YPEL2: variants seen among roughly 807,000 people sequenced by gnomAD.
YPEL2 encodes the protein yippee like 2.
In YPEL2, 2 loss-of-function variants were observed where a neutral mutation model predicts 19.1. The ratio of observed to expected loss-of-function variants is 0.10; its 90% CI spans 0.04 to 0.33. The LOEUF is 0.33. Among genes scored for constraint, YPEL2 ranks in the 10% least tolerant of loss-of-function variants. YPEL2 has a pLI of 1.00. For synonymous variants in YPEL2, 52 were observed against 50.0 expected, an observed-to-expected ratio of 1.04 and a Z score of -0.17; for missense variants, 66 against 140.7, an observed-to-expected ratio of 0.47 and a Z score of 2.68.
intron 1 of YPEL2, among the ~76,000 whole-genome samples, chr17:59,337,436 G>A (rs1014824972): frequency 3.3e-5 from 5 of 151,910 alleles, no homozygotes; most frequent in African/African-American, 7.3e-5. Context: ...TGATCCGCCC[G>A]CCTCGGCCTC....
chr17:59,395,210 C>T (rs572483236), intron 4 of YPEL2, among the ~76,000 whole-genome samples: 6 of 131,042 alleles, frequency 4.6e-5, no homozygotes, highest in African/African-American at 2.0e-4. Flanking sequence ...TGTGTATACA[C>T]GCATGTGTGC....
intron 3 of YPEL2, chr17:59,389,082 T>C (rs1235913686): frequency 1.3e-5 from 6 of 448,028 alleles, no homozygotes; most frequent in East Asian, 4.0e-5. Flanking sequence ...AGTCACAGAT[T>C]TAAAGTATTT....
chr17:59,334,190 G>A (rs1228913204), intron 1 of YPEL2, among the ~76,000 whole-genome samples: 4 of 152,140 alleles, frequency 2.6e-5, no homozygotes, highest in Admixed American at 1.3e-4. Context: ...CCGATGAGTT[G>A]CGTGAGTTGC....
chr17:59,400,166 A>T lies in YPEL2; in HGVS notation c.*2976A>T, dbSNP rs1322637952. On this transcript the variant is annotated 3_prime_UTR_variant, in exon 5 of 5. Transcript: ENST00000312655. ...CCAAACACAGCCAAACTCGATACCC[A>T]CAAGCTGTCAGCTGAACCTGACTGA... The T allele has an allele frequency of 6.6e-6, 1 of 152,610 alleles. No individual in the cohort carries two copies. Among genetic ancestry groups the T allele is most frequent in the Non-Finnish European group, 1.5e-5 (1 of 68,036 alleles). The allele number at this position is 152,610 out of a possible 1,614,324, so 9.5% of individuals were successfully genotyped here. A position where few individuals can be genotyped will look rare whatever the true frequency, so the allele number is the denominator to read the frequency against.
At chr17:59,390,670 C>G (rs1279198674) in intron 4 of YPEL2, among the ~76,000 whole-genome samples, 1 of 152,174 alleles carries the variant, frequency 6.6e-6, no homozygotes, top group African/African-American at 2.4e-5. Context: ...AGTGAGCAGT[C>G]CTTTGCCAGA....
chr17:59,384,000 A>G (rs183494632), intron 2 of YPEL2, among the ~76,000 whole-genome samples: 1 of 152,298 alleles, frequency 6.6e-6, no homozygotes, highest in African/African-American at 2.4e-5. Flanking sequence ...TTGTATAAAC[A>G]TAGGCTTTCG....
rs930762941 is a variant in YPEL2, at chr17:59,353,346, C to T, written c.-64C>T. On this transcript the variant is annotated 5_prime_UTR_variant, in exon 2 of 5. Coordinates refer to ENST00000312655, the MANE Select transcript of YPEL2 (RefSeq NM_001005404.4). This position sits in a 1 kb window ranked among gnomAD's most constrained non-coding sequence, Gnocchi z 4.8. ...CCTGTGTCTTCCGGTGTTTCCCGTGCGACCCATCCTGTGGGAGTGCCTCGT... is the reference window on the plus strand; with the variant it reads ...CCTGTGTCTTCCGGTGTTTCCCGTGTGACCCATCCTGTGGGAGTGCCTCGT... The T allele has an allele frequency of 1.6e-5, 20 of 1,232,208 alleles. No homozygotes were observed. Among genetic ancestry groups the T allele is most frequent in the East Asian group, 9.4e-5 (4 of 42,700 alleles). 76.3% of individuals were successfully genotyped at this position (1,232,208 alleles called of 1,614,324 possible).
At chr17:59,333,610 GT>G (rs541354702) in intron 1 of YPEL2, among the ~76,000 whole-genome samples, 10 of 151,324 alleles carry the variant, frequency 6.6e-5, no homozygotes, top group Admixed American at 3.9e-4. Flanking sequence ...TGTTTTAAAG[GT>G]TTTTTTTTCT....
At chr17:59,346,701 T>C (rs1456997761) in intron 1 of YPEL2, among the ~76,000 whole-genome samples, 3 of 152,122 alleles carry the variant, frequency 2.0e-5, no homozygotes, top group Non-Finnish European at 4.4e-5. Flanking sequence ...AGCCTACCTC[T>C]AGTAGAGGAT....
chr17:59,394,173 C>A (rs1411864725), intron 4 of YPEL2, among the ~76,000 whole-genome samples: 1 of 151,276 alleles, frequency 6.6e-6, no homozygotes, highest in Non-Finnish European at 1.5e-5. Context: ...CCGGACGGGG[C>A]GGCTGGCCGG....
intron 2 of YPEL2, among the ~76,000 whole-genome samples, chr17:59,378,108 G>A (rs554917733): frequency 6.6e-6 from 1 of 152,046 alleles, no homozygotes; most frequent in Admixed American, 6.6e-5. Context: ...TCCAAAGCCG[G>A]CATCCTTTCC....
chr17:59,359,169 G>A (rs1427702699), intron 2 of YPEL2, among the ~76,000 whole-genome samples: 3 of 150,896 alleles, frequency 2.0e-5, no homozygotes, highest in Non-Finnish European at 4.4e-5. Flanking sequence ...AGCGATCCAC[G>A]CGCCTTAGCC....
At chr17:59,387,463 C>T (rs1409499853) in intron 2 of YPEL2, among the ~76,000 whole-genome samples, 1 of 151,868 alleles carries the variant, frequency 6.6e-6, no homozygotes, top group Non-Finnish European at 1.5e-5. Context: ...ATACTAAATT[C>T]AGGACACTGT....
chr17:59,335,427 C>T (rs1365116595), intron 1 of YPEL2, among the ~76,000 whole-genome samples: 1 of 152,160 alleles, frequency 6.6e-6, no homozygotes, highest in Non-Finnish European at 1.5e-5. Context: ...CAATCCCCAA[C>T]CTGTCCACTC....
chr17:59,370,372 A>AT (rs2047891101), intron 2 of YPEL2, among the ~76,000 whole-genome samples: 1 of 152,078 alleles, frequency 6.6e-6, no homozygotes, highest in Admixed American at 6.6e-5. Flanking sequence ...CAGAATTTTT[A>AT]TTTTTATTTT....
chr17:59,335,619 G>T (rs1321064781), intron 1 of YPEL2, among the ~76,000 whole-genome samples: 1 of 152,038 alleles, frequency 6.6e-6, no homozygotes, highest in African/African-American at 2.4e-5. Context: ...GGTGTGATCT[G>T]CTCACTGCAA....
chr17:59,392,736 A>C (rs766517905), intron 4 of YPEL2, among the ~76,000 whole-genome samples: 8 of 150,538 alleles, frequency 5.3e-5, no homozygotes, highest in Non-Finnish European at 1.2e-4. Flanking sequence ...CTGGTCTCGA[A>C]CTCCTCACCT....
chr17:59,332,091 G>GC (rs1237071698), intron 1 of YPEL2, among the ~76,000 whole-genome samples: 1 of 152,090 alleles, frequency 6.6e-6, no homozygotes, highest in Non-Finnish European at 1.5e-5. Context: ...GGGACCCCCG[G>GC]CCGGGGCGGG....
In YPEL2 at chr17:59,397,246, C is replaced by A. The variant is rs1450261230; in HGVS notation, c.*56C>A. ...CGTGAACGCCATTCAACCGAACATTCTTCCCAAGCGTGAGAGAGTGACTGA... is the reference window on the plus strand; with the variant it reads ...CGTGAACGCCATTCAACCGAACATTATTCCCAAGCGTGAGAGAGTGACTGA... On this transcript the variant is annotated 3_prime_UTR_variant, in exon 5 of 5. Transcript: ENST00000312655. The A allele has an allele frequency of 2.8e-6, 4 of 1,405,486 alleles. No individual in the cohort carries two copies. The East Asian group carries it at 1.0e-4, about 36-fold the overall frequency. The allele number at this position is 1,405,486 out of a possible 1,614,324, so 87.1% of individuals were successfully genotyped here. A position where few individuals can be genotyped will look rare whatever the true frequency, so the allele number is the denominator to read the frequency against.
Sources: allele counts gnomAD v4.1 joint callset (sites outside exome capture counted in the v4.1 genomes callset), GRCh38; gene constraint gnomAD v4.1.1; non-coding constraint Gnocchi (gnomAD v3.1); transcripts MANE v1.5; gene names NCBI Gene and HGNC (gene_info 2026-07-23, HGNC 2026-07-21).